ZSCAN5A: variants seen among roughly 807,000 people sequenced by gnomAD.
The protein encoded by ZSCAN5A is zinc finger and SCAN domain-containing protein 5A.
Under a neutral mutation model 23.7 loss-of-function variants are expected in ZSCAN5A, and 12 were observed. The ratio of observed to expected loss-of-function variants is 0.51; its 90% CI spans 0.32 to 0.82. The LOEUF (loss-of-function observed/expected upper bound fraction) is 0.82, where lower values mean the gene tolerates loss of function less well. Among genes scored for constraint, ZSCAN5A ranks in the 40% least tolerant of loss-of-function variants. ZSCAN5A has a pLI of 0.03. For missense variants in ZSCAN5A, 597 were observed against 617.9 expected, an observed-to-expected ratio of 0.97 and a Z score of 0.36; for synonymous variants, 257 against 239.9, an observed-to-expected ratio of 1.07 and a Z score of -0.66.
rs148552167 is a variant in ZSCAN5A at position 56,330,113 on chromosome 19, C to G, written c.-357-13845G>C. Among the ~76,000 whole-genome samples the G allele has an allele frequency of 8.2e-3, 1,247 of 152,316 alleles. 13 individuals carry two copies. Among genetic ancestry groups the G allele is most frequent in the Non-Finnish European group, 0.014 (978 of 68,028 alleles). ...GGTTTTCTGTTCCTGTGTTAATTCACTTAGGATAATGGTTTCTACCTGCAT... is the reference window on the plus strand; with the variant it reads ...GGTTTTCTGTTCCTGTGTTAATTCAGTTAGGATAATGGTTTCTACCTGCAT... On this transcript the variant is annotated intron_variant, in intron 2 of 6. Coordinates refer to the ZSCAN5A transcript ENST00000587340.
At chr19:56,301,126 A>T (rs1361876813) in intron 2 of ZSCAN5A, among the ~76,000 whole-genome samples, 1 of 152,196 alleles carries the variant, frequency 6.6e-6, no homozygotes, top group Non-Finnish European at 1.5e-5. Context: ...GCAAGAAAGA[A>T]TTTGAGGCAA....
At chr19:56,257,700 C>A (rs567333423) in intron 2 of ZSCAN5A, among the ~76,000 whole-genome samples, 9 of 133,070 alleles carry the variant, frequency 6.8e-5, no homozygotes, top group African/African-American at 2.0e-4. Context: ...ACACAGGCGC[C>A]GGGGGACTCT....
At chr19:56,252,636 G>T (rs1172729814) in intron 2 of ZSCAN5A, among the ~76,000 whole-genome samples, 4 of 152,206 alleles carry the variant, frequency 2.6e-5, no homozygotes, top group Non-Finnish European at 5.9e-5. Flanking sequence ...AGCTTGTCCA[G>T]CTGTGGGGTG....
chr19:56,359,567 A>C (rs577008470), intron 2 of ZSCAN5A, among the ~76,000 whole-genome samples: 1 of 152,338 alleles, frequency 6.6e-6, no homozygotes, highest in South Asian at 2.1e-4. Context: ...CTCCTCCTTA[A>C]CTCATTTTAT....
In ZSCAN5A at chr19:56,222,340, T is replaced by C. The variant is rs1470556665; in HGVS notation, c.740-14A>G. The stretch of plus-strand genomic sequence containing the variant: ...TCACCAGATCTGCTGGAAGAAGGGA[T>C]TCCACACACACAGTTAATAAAGCGC... On this transcript the variant is annotated splice_polypyrimidine_tract_variant and intron_variant, in intron 5 of 5. Coordinates refer to ENST00000683990, the MANE Select transcript of ZSCAN5A (RefSeq NM_001322064.3). 1.1e-5 allele frequency: 17 copies of C among 1,608,886 alleles called. No homozygotes were observed. The highest frequency in any genetic ancestry group is 1.4e-5 in the Non-Finnish European group (17 of 1,179,054).
At chr19:56,326,998 G>A (rs1019629501) in intron 2 of ZSCAN5A, among the ~76,000 whole-genome samples, 9 of 151,878 alleles carry the variant, frequency 5.9e-5, no homozygotes, top group Non-Finnish European at 4.4e-5. Flanking sequence ...TTCACGAGTT[G>A]AGGTTGTGCT....
chr19:56,307,714 C>T (rs1281182789), intron 2 of ZSCAN5A, among the ~76,000 whole-genome samples: 2 of 152,114 alleles, frequency 1.3e-5, no homozygotes, highest in South Asian at 2.1e-4. Flanking sequence ...CAATTTTTTC[C>T]CCAAGGTCTG....
intron 2 of ZSCAN5A, among the ~76,000 whole-genome samples, chr19:56,302,456 G>C (rs544775722): frequency 8.9e-6 from 1 of 112,532 alleles, no homozygotes; most frequent in Non-Finnish European, 1.7e-5. Flanking sequence ...TCCTCTCTCC[G>C]TCTGCTTCCT....
chr19:56,329,002 A>AT (rs1004140678), intron 2 of ZSCAN5A, among the ~76,000 whole-genome samples: 13 of 149,248 alleles, frequency 8.7e-5, no homozygotes, highest in African/African-American at 2.5e-4. Context: ...CTCAAAAAAA[A>AT]AAAAAAATAA....
At chr19:56,338,744 C>T (rs1311981676) in intron 2 of ZSCAN5A, 1 of 152,196 alleles carries the variant, frequency 6.6e-6, no homozygotes, top group Non-Finnish European at 1.5e-5. Flanking sequence ...AAGGTGACAA[C>T]AGAATGAGAT....
At chr19:56,292,058 C>T (rs768504906) in intron 2 of ZSCAN5A, among the ~76,000 whole-genome samples, 3 of 152,120 alleles carry the variant, frequency 2.0e-5, no homozygotes, top group Non-Finnish European at 4.4e-5. Flanking sequence ...CCAGTGGTGA[C>T]GGTGGGTTAC....
chr19:56,226,629 G>A (rs2033966868), intron 2 of ZSCAN5A, among the ~76,000 whole-genome samples: 2 of 152,280 alleles, frequency 1.3e-5, no homozygotes, highest in South Asian at 4.1e-4. Flanking sequence ...GTAAATTAGA[G>A]CAGCCGATAT....
At chr19:56,303,537 G>A (rs1252427776) in intron 2 of ZSCAN5A, among the ~76,000 whole-genome samples, 1 of 151,778 alleles carries the variant, frequency 6.6e-6, no homozygotes. Context: ...AGGGAGGCAA[G>A]ACGGAAGGGA....
intron 2 of ZSCAN5A, chr19:56,322,096 A>T (rs1417398414): frequency 1.3e-6 from 1 of 762,102 alleles, no homozygotes; most frequent in Non-Finnish European, 2.4e-6. Flanking sequence ...CATAACAAGG[A>T]TATCAAATTC....
intron 2 of ZSCAN5A, among the ~76,000 whole-genome samples, chr19:56,245,033 C>G (rs1200859771): frequency 6.6e-6 from 1 of 152,176 alleles, no homozygotes; most frequent in African/African-American, 2.4e-5. Context: ...CTAAAGGACT[C>G]ATATTTATGT....
intron 2 of ZSCAN5A, among the ~76,000 whole-genome samples, chr19:56,308,483 C>T (rs2147345059): frequency 6.6e-6 from 1 of 152,168 alleles, no homozygotes; most frequent in East Asian, 1.9e-4. Flanking sequence ...ACCACCACAC[C>T]TGGCTAATTT....
intron 2 of ZSCAN5A, among the ~76,000 whole-genome samples, chr19:56,276,348 C>T (rs1028901353): frequency 1.7e-4 from 26 of 152,028 alleles, no homozygotes; most frequent in Admixed American, 8.5e-4. Context: ...GAGGCCTATT[C>T]GGAAAATGAA....
chr19:56,363,860 A>G (rs1207177778), intron 1 of ZSCAN5A, among the ~76,000 whole-genome samples: 1 of 152,266 alleles, frequency 6.6e-6, no homozygotes, highest in Admixed American at 6.5e-5. Context: ...GTTGGAAATT[A>G]TATTCTATTT....
At chr19:56,319,406 G>T (rs539234570), upstream of ZSCAN5A, among the ~76,000 whole-genome samples, 3 of 142,012 alleles carry the variant, frequency 2.1e-5, no homozygotes, top group South Asian at 6.8e-4. Flanking sequence ...TGAAGCAAAA[G>T]AATTGCTTGA....
Sources: allele counts gnomAD v4.1 joint callset (sites outside exome capture counted in the v4.1 genomes callset), GRCh38; gene constraint gnomAD v4.1.1; transcripts MANE v1.5; gene names NCBI Gene and HGNC (gene_info 2026-07-23, HGNC 2026-07-21).